ERMP1: variants seen among roughly 807,000 people sequenced by gnomAD.
ERMP1 encodes the protein endoplasmic reticulum metallopeptidase 1, also known as Felix-ina.
In ERMP1, 86 loss-of-function variants were observed where a neutral mutation model predicts 92.0. The observed-to-expected ratio is 0.93, with a 90% CI of 0.79 to 1.12. The LOEUF is 1.12. ERMP1 is among the 50% of genes most tolerant of loss of function. ERMP1 has a pLI of 0.00. For missense variants in ERMP1, 1,342 were observed against 1,116.3 expected (o/e 1.20, Z -2.88); for synonymous variants, 530 against 412.8 (o/e 1.28, Z -3.44).
intron 8 of ERMP1, among the ~76,000 whole-genome samples, chr9:5,809,005 C>T (rs1317823021): frequency 6.6e-6 from 1 of 152,084 alleles, no homozygotes; most frequent in Non-Finnish European, 1.5e-5. Context: ...AGGCATGAGC[C>T]ACAGCACCCA....
chr9:5,824,982 T>C (rs1829680687), intron 3 of ERMP1, 110 bp downstream of exon 3: 1 of 1,034,024 alleles, frequency 9.7e-7, no homozygotes, highest in African/African-American at 1.6e-5. Context: ...TATTTTATAC[T>C]ACCCACAGGA....
At chr9:5,833,613 T>C (rs139166281), upstream of ERMP1, among the ~76,000 whole-genome samples, 478 of 152,376 alleles carry the variant, frequency 3.1e-3, 2 homozygotes, top group Non-Finnish European at 5.7e-3. Context: ...CTATTATTTA[T>C]TGAATACCTG....
intron 1 of ERMP1, among the ~76,000 whole-genome samples, chr9:5,831,624 G>C (rs547217504): frequency 6.6e-6 from 1 of 152,244 alleles, no homozygotes; most frequent in South Asian, 2.1e-4. Context: ...AACAAAAAAA[G>C]CTAAAGACTA....
chr9:5,823,628 T>C (rs887727617), intron 4 of ERMP1, among the ~76,000 whole-genome samples: 1 of 152,212 alleles, frequency 6.6e-6, no homozygotes, highest in Admixed American at 6.5e-5. Flanking sequence ...ACAGTACTTA[T>C]CTTACATGTT....
chr9:5,857,287 G>A (rs926736363), intron 6 of ERMP1, among the ~76,000 whole-genome samples: 1 of 152,152 alleles, frequency 6.6e-6, no homozygotes, highest in African/African-American at 2.4e-5. Flanking sequence ...CTCCCAAAGT[G>A]CTGGGATTAC....
At chr9:5,832,494 G>A (rs921924654) in intron 1 of ERMP1, 196 bp downstream of exon 1, 6 of 483,676 alleles carry the variant, frequency 1.2e-5, no homozygotes, top group Non-Finnish European at 1.8e-5. Flanking sequence ...ACCGGGGACA[G>A]GCAAGCCCCA....
At chr9:5,793,751 A>G (rs1314291784) in intron 13 of ERMP1, among the ~76,000 whole-genome samples, 1 of 152,164 alleles carries the variant, frequency 6.6e-6, no homozygotes, top group Non-Finnish European at 1.5e-5. Flanking sequence ...AGACATAACA[A>G]TCTTTAATTT....
intron 6 of ERMP1, among the ~76,000 whole-genome samples, chr9:5,839,006 C>T (rs1586833866): frequency 6.6e-6 from 1 of 152,182 alleles, no homozygotes; most frequent in Non-Finnish European, 1.5e-5. Context: ...CTCCAGCAAC[C>T]CTGTGCCTAG....
intron 2 of ERMP1, among the ~76,000 whole-genome samples, chr9:5,825,863 T>G (rs1397811462): frequency 1.3e-5 from 2 of 152,212 alleles, no homozygotes; most frequent in Non-Finnish European, 2.9e-5. Flanking sequence ...TCTTCTTGAT[T>G]CAGAAATTTT....
chr9:5,815,454 T>A (rs1829264716), intron 4 of ERMP1, among the ~76,000 whole-genome samples: 1 of 108,704 alleles, frequency 9.2e-6, no homozygotes, highest in African/African-American at 3.6e-5. Flanking sequence ...AGTAACAGAA[T>A]ATATAGAGTA....
At chr9:5,799,532 CA>C (rs201586780) in intron 11 of ERMP1, among the ~76,000 whole-genome samples, 313 of 150,886 alleles carry the variant, frequency 2.1e-3, no homozygotes, top group African/African-American at 7.0e-3. Context: ...AAAAAACAAA[CA>C]AAAAAAAACA....
At chr9:5,846,767 T>C (rs1830239398) in intron 6 of ERMP1, among the ~76,000 whole-genome samples, 1 of 152,222 alleles carries the variant, frequency 6.6e-6, no homozygotes, top group Non-Finnish European at 1.5e-5. Flanking sequence ...TATGGGGTGG[T>C]TATTCCTTTC....
chr9:5,801,424 C>G, intron 10 of ERMP1, 96 bp from the exon 11 acceptor site: 7 of 1,224,066 alleles, frequency 5.7e-6, no homozygotes, highest in Admixed American at 2.5e-5. Context: ...TATTACCTAA[C>G]AGCCCCTGAA....
At chr9:5,804,109 C>A (rs1032378102) in intron 10 of ERMP1, among the ~76,000 whole-genome samples, 1 of 152,144 alleles carries the variant, frequency 6.6e-6, no homozygotes, top group Non-Finnish European at 1.5e-5. Flanking sequence ...AAAAGGCTCA[C>A]TATCATCTCC....
chr9:5,861,717 G>GTTTTTTTT (rs34804675), intron 5 of ERMP1, among the ~76,000 whole-genome samples: 25 of 66,182 alleles, frequency 3.8e-4, no homozygotes, highest in South Asian at 8.1e-4. Context: ...GAGAGGAAGG[G>GTTTTTTTT]TTTTTTTTTT....
chr9:5,821,100 T>C (rs563485268), intron 4 of ERMP1, among the ~76,000 whole-genome samples: 8 of 152,344 alleles, frequency 5.3e-5, no homozygotes, highest in Non-Finnish European at 1.2e-4. Flanking sequence ...TTTTGAAACA[T>C]GGGGATTTCA....
chr9:5,788,570 G>T (rs931145693), intron 13 of ERMP1, among the ~76,000 whole-genome samples: 1 of 151,998 alleles, frequency 6.6e-6, no homozygotes, highest in African/African-American at 2.4e-5. Flanking sequence ...TAAAGAATCT[G>T]GACTTTCTTA....
At chr9:5,847,757 T>C (rs74689644) in intron 6 of ERMP1, among the ~76,000 whole-genome samples, 57,612 of 151,080 alleles carry the variant, frequency 0.38, 11,141 homozygotes, top group East Asian at 0.55. Context: ...TAGCCGGGCG[T>C]GGTGGCAGGC....
At chr9:5,817,071 T>C (rs1338604172) in intron 4 of ERMP1, among the ~76,000 whole-genome samples, 1 of 146,472 alleles carries the variant, frequency 6.8e-6, no homozygotes, top group Non-Finnish European at 1.5e-5. Flanking sequence ...GGTAATTTTT[T>C]GTATTTTTAG....
Sources: gnomAD v4.1 joint callset for allele counts (sites outside exome capture counted in the v4.1 genomes callset) on GRCh38, gnomAD v4.1.1 for gene constraint, MANE v1.5 for transcripts, NCBI Gene and HGNC (gene_info 2026-07-23, HGNC 2026-07-21) for gene names.